Variants in RSBN1L observed in about 807,000 individuals in gnomAD.
RSBN1L encodes the protein lysine-specific demethylase RSBN1L.
RSBN1L carries 30 observed loss-of-function variants against 67.7 expected under a neutral mutation model. The observed-to-expected ratio is 0.44, with a 90% confidence interval of 0.33 to 0.60. The LOEUF is 0.60. Ranked by LOEUF, RSBN1L falls within the 20% of genes least tolerant of loss-of-function variation. The pLI, the probability that RSBN1L is intolerant of heterozygous loss-of-function variation, is 0.02. For synonymous variants in RSBN1L, 433 were observed against 387.0 expected (o/e 1.12, Z -1.39); for missense variants, 992 against 1,031.7 (o/e 0.96, Z 0.53).
intron 6 of RSBN1L, among the ~76,000 whole-genome samples, chr7:77,776,021 A>G (rs1171418344): frequency 6.6e-6 from 1 of 151,718 alleles, no homozygotes; most frequent in African/African-American, 2.4e-5. Context: ...GCACCACTGC[A>G]CTCCAGCCTG....
chr7:77,731,245 A>T (rs1426594827), intron 1 of RSBN1L, among the ~76,000 whole-genome samples: 2 of 151,574 alleles, frequency 1.3e-5, no homozygotes, highest in Non-Finnish European at 2.9e-5. Flanking sequence ...GCAGGGTCTC[A>T]CTCGTTCATC....
chr7:77,704,657 C>T (rs75352812), intron 1 of RSBN1L, among the ~76,000 whole-genome samples: 2,093 of 151,332 alleles, frequency 0.014, 53 homozygotes, highest in African/African-American at 0.047. Flanking sequence ...TTTTTTTTTC[C>T]CATTAAGTAA....
chr7:77,724,073 C>T (rs1478309084), intron 1 of RSBN1L, among the ~76,000 whole-genome samples: 3 of 152,130 alleles, frequency 2.0e-5, no homozygotes, highest in African/African-American at 7.2e-5. Context: ...TGAGCCTTTG[C>T]ACCAGCTTAT....
At chr7:77,775,543 T>G (rs1791902662) in intron 6 of RSBN1L, among the ~76,000 whole-genome samples, 1 of 152,160 alleles carries the variant, frequency 6.6e-6, no homozygotes, top group South Asian at 2.1e-4. Context: ...TATCTCTAAT[T>G]CCTGTTTGAT....
chr7:77,724,415 C>G (rs1791165591), intron 1 of RSBN1L, among the ~76,000 whole-genome samples: 1 of 150,504 alleles, frequency 6.6e-6, no homozygotes, highest in African/African-American at 2.4e-5. Context: ...ATATGAATCC[C>G]TTTCTTTTTC....
At chr7:77,700,805 A>G (rs1459732513) in intron 1 of RSBN1L, among the ~76,000 whole-genome samples, 12 of 152,026 alleles carry the variant, frequency 7.9e-5, no homozygotes, top group Admixed American at 5.2e-4. Flanking sequence ...TCTCAGTACA[A>G]TTTTCCACAT....
At chr7:77,741,586 G>A (rs1791411015) in intron 2 of RSBN1L, among the ~76,000 whole-genome samples, 2 of 151,630 alleles carry the variant, frequency 1.3e-5, no homozygotes, top group Admixed American at 1.3e-4. Context: ...CAGCTACTCG[G>A]GAGGCTGAGG....
chr7:77,782,975 T>C lies in RSBN1L; in HGVS notation c.*3807T>C, dbSNP rs1232648672. 1.3e-5 allele frequency: 2 copies of C among 152,222 alleles called. No individual in the cohort carries two copies. Among genetic ancestry groups the C allele is most frequent in the Non-Finnish European group, 2.9e-5 (2 of 68,024 alleles). The allele number at this position is 152,222 out of a possible 1,614,324, so 9.4% of individuals were successfully genotyped here. ...ATTTGTTTTTGGAGTTTGAGAGATA[T>C]TTTCCTTGTCTTCCATCATTCAATA... On this transcript the variant is annotated 3_prime_UTR_variant, in exon 8 of 8. Coordinates refer to ENST00000334955, the MANE Select transcript of RSBN1L (RefSeq NM_198467.3).
intron 2 of RSBN1L, among the ~76,000 whole-genome samples, chr7:77,737,618 C>A (rs1249673282): frequency 6.6e-6 from 1 of 152,134 alleles, no homozygotes; most frequent in Non-Finnish European, 1.5e-5. Flanking sequence ...TGTTCTGTTT[C>A]TTTTGCCTGC....
chr7:77,763,952 C>T (rs1428657698), intron 3 of RSBN1L, among the ~76,000 whole-genome samples: 2 of 152,202 alleles, frequency 1.3e-5, no homozygotes, highest in African/African-American at 4.8e-5. Flanking sequence ...CATTATTAAA[C>T]TGCTTTGCTG....
chr7:77,727,641 T>C (rs79247383), intron 1 of RSBN1L, among the ~76,000 whole-genome samples: 33 of 151,364 alleles, frequency 2.2e-4, no homozygotes, highest in Middle Eastern at 3.4e-3. Flanking sequence ...TTTTTTTTTT[T>C]CCCCTGTAGA....
chr7:77,750,486 G>A (rs1345804572), intron 3 of RSBN1L, among the ~76,000 whole-genome samples: 1 of 151,924 alleles, frequency 6.6e-6, no homozygotes, highest in East Asian at 1.9e-4. Context: ...AGAAATGTTG[G>A]CCATTAAAAA....
intron 3 of RSBN1L, among the ~76,000 whole-genome samples, chr7:77,750,688 A>T (rs1168139980): frequency 6.6e-6 from 1 of 152,178 alleles, no homozygotes; most frequent in Non-Finnish European, 1.5e-5. Context: ...TGGTGCCATT[A>T]TCACCCATCC....
At chr7:77,754,864 G>A (rs1302447783) in intron 3 of RSBN1L, among the ~76,000 whole-genome samples, 2 of 152,094 alleles carry the variant, frequency 1.3e-5, no homozygotes. Context: ...GTGAGATCCT[G>A]TCTCAAAGAA....
chr7:77,709,307 T>A (rs1256006166), intron 1 of RSBN1L, among the ~76,000 whole-genome samples: 1 of 152,106 alleles, frequency 6.6e-6, no homozygotes, highest in Non-Finnish European at 1.5e-5. Flanking sequence ...TCTTTTTTTT[T>A]GAGACAGAGT....
intron 1 of RSBN1L, among the ~76,000 whole-genome samples, chr7:77,735,096 A>G (rs1791316548): frequency 6.6e-6 from 1 of 151,884 alleles, no homozygotes; most frequent in Non-Finnish European, 1.5e-5. Context: ...TTATAGGTGA[A>G]AGTAATGTCT....
At position 77,726,303 on chromosome 7, in the gene RSBN1L, A is replaced by G. The variant is rs139883148; in HGVS notation, c.587-10107A>G. Among the ~76,000 whole-genome samples the G allele has an allele frequency of 3.8e-3, 577 of 152,288 alleles. 4 individuals carry two copies. Among genetic ancestry groups the G allele is most frequent in the African/African-American group, 0.013 (548 of 41,544 alleles). ...TCAAGGATCCCATCCAGGATACTGT[A>G]TTACATTTAATCATCATGTCTCGTT... is the stretch of plus-strand genomic sequence containing the variant. On this transcript the variant is annotated intron_variant, in intron 1 of 7. Coordinates refer to ENST00000334955, the MANE Select transcript of RSBN1L (RefSeq NM_198467.3).
chr7:77,737,628 C>A (rs1220105414), intron 2 of RSBN1L, among the ~76,000 whole-genome samples: 1 of 152,128 alleles, frequency 6.6e-6, no homozygotes, highest in Non-Finnish European at 1.5e-5. Context: ...CTTTTGCCTG[C>A]ATATTCTATC....
chr7:77,722,796 T>A (rs1054521367), intron 1 of RSBN1L, among the ~76,000 whole-genome samples: 2 of 151,946 alleles, frequency 1.3e-5, no homozygotes, highest in Admixed American at 6.6e-5. Flanking sequence ...ATTGTTGTCG[T>A]TCAGTTCAGT....
Sources: allele counts gnomAD v4.1 joint callset (sites outside exome capture counted in the v4.1 genomes callset), GRCh38; gene constraint gnomAD v4.1.1; transcripts MANE v1.5; gene names NCBI Gene and HGNC (gene_info 2026-07-23, HGNC 2026-07-21).